The following FGF1 variants were observed in gnomAD, a reference collection of about 807,000 sequenced individuals.
FGF1 encodes fibroblast growth factor 1, also known as beta-endothelial cell growth factor.
FGF1 carries 9 observed loss-of-function variants against 13.4 expected under a neutral mutation model. The observed-to-expected ratio is 0.67, with a 90% CI of 0.40 to 1.17. The LOEUF (loss-of-function observed/expected upper bound fraction) is 1.17. Ranked by LOEUF, FGF1 falls within the 50% of genes most tolerant of loss-of-function variation. The probability of loss-of-function intolerance (pLI) is 0.01; values close to 1 mark genes in which losing one functional copy is unlikely to be tolerated. For missense variants in FGF1, 156 were observed against 192.7 expected, an observed-to-expected ratio of 0.81 and a Z score of 1.13; for synonymous variants, 93 against 79.0, an observed-to-expected ratio of 1.18 and a Z score of -0.94.
rs1206866504 is a variant in FGF1 at position 142,654,864 on chromosome 5, G to T, written c.-35+31093C>A. Among the ~76,000 whole-genome samples the T allele has an allele frequency of 2.0e-5, 3 of 152,200 alleles. No individual in the cohort carries two copies. The East Asian group carries it at 5.8e-4, about 29-fold the overall frequency. On this transcript the variant is annotated intron_variant, in intron 1 of 3. Coordinates refer to ENST00000337706, the MANE Select transcript of FGF1 (RefSeq NM_000800.5). Reference sequence around the variant, plus strand: ...GGGAGAAGGGGCTTCTCTTCTACCTGCAGGAGGAGCAGGCAGGGGAGAGCA... The same window carrying T: ...GGGAGAAGGGGCTTCTCTTCTACCTTCAGGAGGAGCAGGCAGGGGAGAGCA...
intron 1 of FGF1, among the ~76,000 whole-genome samples, chr5:142,663,104 G>A (rs548569050): frequency 2.6e-5 from 4 of 152,188 alleles, no homozygotes; most frequent in Admixed American, 1.3e-4. Flanking sequence ...GATTACAGGC[G>A]TGCACAACTG....
chr5:142,654,014 C>T (rs1767730184), intron 1 of FGF1, among the ~76,000 whole-genome samples: 1 of 152,218 alleles, frequency 6.6e-6, no homozygotes, highest in Non-Finnish European at 1.5e-5. Flanking sequence ...ATTGCTTGAA[C>T]CTGGGAGGCA....
At chr5:142,670,895 T>A (rs1489154060) in intron 1 of FGF1, among the ~76,000 whole-genome samples, 1 of 152,212 alleles carries the variant, frequency 6.6e-6, no homozygotes, top group Non-Finnish European at 1.5e-5. Context: ...TCTGAGTATT[T>A]CCCATAGTTA....
intron 1 of FGF1, among the ~76,000 whole-genome samples, chr5:142,642,204 A>G (rs1765311739): frequency 6.6e-6 from 1 of 152,238 alleles, no homozygotes. Context: ...GGGTGCTGTC[A>G]GCAGTGACCT....
intron 1 of FGF1, among the ~76,000 whole-genome samples, chr5:142,661,008 A>G (rs1769118462): frequency 6.6e-6 from 1 of 152,188 alleles, no homozygotes; most frequent in African/African-American, 2.4e-5. Flanking sequence ...ATGTGGTAAG[A>G]GGGGGAAAAT....
In FGF1 at chr5:142,592,612, C is replaced by T; in HGVS notation, c.*2678G>A. The T allele has an allele frequency of 2.5e-6, 1 of 395,554 alleles. No homozygotes were observed. Among genetic ancestry groups the T allele is most frequent in the Non-Finnish European group, 4.5e-6 (1 of 224,544 alleles). 24.5% of individuals were successfully genotyped at this position (395,554 alleles called of 1,614,324 possible). A position where few individuals can be genotyped will look rare whatever the true frequency, so the allele number is the denominator to read the frequency against. ...TTACTTAAGACAGCAATGGGAATGT[C>T]CCCAGGTTAATAAACTAGAGCATGT... is the stretch of plus-strand genomic sequence containing the variant. On this transcript the variant is annotated 3_prime_UTR_variant, in exon 4 of 4. Coordinates refer to ENST00000337706, the MANE Select transcript of FGF1 (RefSeq NM_000800.5).
At position 142,611,437 on chromosome 5, in the gene FGF1, A is replaced by G. The variant is rs2282798; in HGVS notation, c.169+2522T>C. Among the ~76,000 whole-genome samples the G allele has an allele frequency of 5.1e-4, 78 of 152,344 alleles. 1 individual carries two copies. In the East Asian group the frequency reaches 0.015, roughly 29 times the overall value. ...ATTTTCCTGAAAATTATCTGGGAAC[A>G]CTAGAGACACTTCAATTTCTAGTCA... On this transcript the variant is annotated intron_variant, in intron 2 of 3. Coordinates refer to ENST00000337706, the MANE Select transcript of FGF1 (RefSeq NM_000800.5).
At chr5:142,623,307 A>C (rs772204223) in intron 1 of FGF1, among the ~76,000 whole-genome samples, 4 of 151,716 alleles carry the variant, frequency 2.6e-5, no homozygotes, top group African/African-American at 4.9e-5. Flanking sequence ...CATTCGATAG[A>C]TATTAGCTTG....
At position 142,593,781 on chromosome 5, in the gene FGF1, A is replaced by C. The variant is rs1225092530; in HGVS notation, c.*1509T>G. On this transcript the variant is annotated 3_prime_UTR_variant, in exon 4 of 4. Transcript: ENST00000337706. ...AGCTATATATTTTTAAATGCAATTA[A>C]AACATACAGTCTCACAGTAAATTTC... 2 of 152,678 alleles carry C rather than the reference A, an allele frequency of 1.3e-5. No individual in the cohort carries two copies. The highest frequency in any genetic ancestry group is 1.3e-4 in the Admixed American group (2 of 15,294). The allele number at this position is 152,678 out of a possible 1,614,324, so 9.5% of individuals were successfully genotyped here. A position where few individuals can be genotyped will look rare whatever the true frequency, so the allele number is the denominator to read the frequency against.
At chr5:142,621,894 T>C (rs1761701326) in intron 1 of FGF1, among the ~76,000 whole-genome samples, 1 of 152,228 alleles carries the variant, frequency 6.6e-6, no homozygotes, top group South Asian at 2.1e-4. Context: ...CTCCTAATTT[T>C]TCTTCAAATT....
At position 142,632,028 on chromosome 5, in the gene FGF1, G is replaced by A. The variant is rs903806951; in HGVS notation, c.-34-17867C>T. Among the ~76,000 whole-genome samples the A allele has an allele frequency of 1.1e-4, 17 of 152,112 alleles. No individual in the cohort carries two copies. In the East Asian group the frequency reaches 1.4e-3, roughly 12 times the overall value. On this transcript the variant is annotated intron_variant, in intron 1 of 3. Coordinates refer to ENST00000337706, the MANE Select transcript of FGF1 (RefSeq NM_000800.5). ...ACTCCTGACCTCAGGTGATCCACCC[G>A]CCTTGGCCTCCCAAAGTGCTGTGAT...
chr5:142,614,315 G>A (rs1478930293), intron 1 of FGF1, among the ~76,000 whole-genome samples, 154 bp from the exon 2 acceptor site: 2 of 152,210 alleles, frequency 1.3e-5, no homozygotes, highest in African/African-American at 2.4e-5. Context: ...GGGCCTGTGA[G>A]GTGGCTGGTG....
intron 1 of FGF1, among the ~76,000 whole-genome samples, chr5:142,648,328 T>C (rs1436156210): frequency 2.6e-5 from 4 of 151,864 alleles, no homozygotes. Context: ...TATGCAGCCA[T>C]AAAAAAGGAT....
chr5:142,660,755 TGACA>T (rs1769072861), intron 1 of FGF1, among the ~76,000 whole-genome samples: 1 of 152,220 alleles, frequency 6.6e-6, no homozygotes, highest in African/African-American at 2.4e-5. Flanking sequence ...CATAGCCCAG[TGACA>T]GACAGGCATC....
chr5:142,674,378 C>T (rs1772084908), intron 1 of FGF1, among the ~76,000 whole-genome samples: 1 of 152,126 alleles, frequency 6.6e-6, no homozygotes, highest in Non-Finnish European at 1.5e-5. Flanking sequence ...GTAGGTGCTC[C>T]CTAAATATGA....
chr5:142,620,089 A>G (rs1315889841), intron 1 of FGF1, among the ~76,000 whole-genome samples: 1 of 152,114 alleles, frequency 6.6e-6, no homozygotes, highest in Non-Finnish European at 1.5e-5. Flanking sequence ...AAGCAAAAGA[A>G]TGAAAAATAG....
At chr5:142,661,998 T>C (rs1254844867) in intron 1 of FGF1, among the ~76,000 whole-genome samples, 2 of 151,376 alleles carry the variant, frequency 1.3e-5, no homozygotes, top group East Asian at 3.9e-4. Flanking sequence ...AGACTGCGTC[T>C]CAAAAAAAAC....
intron 3 of FGF1, among the ~76,000 whole-genome samples, chr5:142,600,456 C>G (rs1210750138): frequency 6.6e-6 from 1 of 152,118 alleles, no homozygotes; most frequent in Admixed American, 6.5e-5. Flanking sequence ...GAAGAGTTAC[C>G]AAAACATCAA....
At chr5:142,689,285 C>T (rs1751754234), upstream of FGF1, among the ~76,000 whole-genome samples, 3 of 152,178 alleles carry the variant, frequency 2.0e-5, no homozygotes, top group Admixed American at 2.0e-4. Context: ...TGCTGCATGC[C>T]ACTCTCTCCC....
Sources: gnomAD v4.1 joint callset for allele counts (sites outside exome capture counted in the v4.1 genomes callset) on GRCh38, gnomAD v4.1.1 for gene constraint, MANE v1.5 for transcripts, NCBI Gene and HGNC (gene_info 2026-07-23, HGNC 2026-07-21) for gene names.